BMAL1: variants seen among roughly 807,000 people sequenced by gnomAD.
The protein encoded by BMAL1 is basic helix-loop-helix ARNT like 1.
At chr11:13,348,295 T>C in the BMAL1 span, among the ~76,000 whole-genome samples, 194 of 152,228 alleles carry the variant, frequency 1.3e-3, 1 homozygote, top group Non-Finnish European at 2.5e-4. Context: ...ATGGGAGGGT[T>C]GGGCTGAAGA....
the BMAL1 span, among the ~76,000 whole-genome samples, chr11:13,329,046 TG>T: frequency 6.6e-6 from 1 of 152,220 alleles, no homozygotes; most frequent in African/African-American, 2.4e-5. Context: ...AGCTGGTCAC[TG>T]TTCTAGTTGA....
At chr11:13,335,997 AAG>A in the BMAL1 span, among the ~76,000 whole-genome samples, 2 of 151,796 alleles carry the variant, frequency 1.3e-5, no homozygotes, top group Non-Finnish European at 2.9e-5. Flanking sequence ...ATGAAAGAGC[AAG>A]AGAGAGAGAG....
chr11:13,315,629 C>T, the BMAL1 span, among the ~76,000 whole-genome samples: 7 of 152,322 alleles, frequency 4.6e-5, no homozygotes, highest in Admixed American at 4.6e-4. Context: ...GTTCCCTCTG[C>T]TCCAAGTCCT....
the BMAL1 span, chr11:13,365,282 A>AACACACACACACAC: frequency 7.7e-4 from 141 of 182,822 alleles, 1 homozygote; most frequent in Admixed American, 1.4e-3. Flanking sequence ...GATATGCAGA[A>AACACACACACACAC]ACACACACAC....
chr11:13,382,693 T>C, the BMAL1 span, among the ~76,000 whole-genome samples: 1 of 152,242 alleles, frequency 6.6e-6, no homozygotes, highest in Non-Finnish European at 1.5e-5. Context: ...ATTCTACTTC[T>C]TGGTTTTGAA....
chr11:13,296,953 TG>T, the BMAL1 span, among the ~76,000 whole-genome samples: 1 of 152,180 alleles, frequency 6.6e-6, no homozygotes, highest in African/African-American at 2.4e-5. Context: ...CAGGAGTTCT[TG>T]GTACCTGGGT....
chr11:13,352,619 C>A, the BMAL1 span, among the ~76,000 whole-genome samples: 1 of 152,204 alleles, frequency 6.6e-6, no homozygotes, highest in Non-Finnish European at 1.5e-5. Flanking sequence ...ACCTGTCAGT[C>A]CCACCTTTAG....
chr11:13,356,686 C>G, the BMAL1 span: 7 of 1,602,964 alleles, frequency 4.4e-6, no homozygotes, highest in African/African-American at 1.3e-5. Context: ...TGATAAGAAG[C>G]TCTTCTGTAT....
the BMAL1 span, chr11:13,374,224 T>G: frequency 6.2e-7 from 1 of 1,601,850 alleles, no homozygotes; most frequent in Admixed American, 1.7e-5. Context: ...GTATGAAAGA[T>G]CTTAAGTTGA....
the BMAL1 span, among the ~76,000 whole-genome samples, chr11:13,294,333 T>A: frequency 6.6e-6 from 1 of 152,204 alleles, no homozygotes; most frequent in Admixed American, 6.5e-5. Flanking sequence ...GAAATATCAA[T>A]AGTGGTTCTC....
the BMAL1 span, chr11:13,372,220 C>T: frequency 6.2e-7 from 1 of 1,614,118 alleles, no homozygotes; most frequent in Non-Finnish European, 8.5e-7. Context: ...AGCTGGCCAC[C>T]CACAAAGATG....
chr11:13,381,225 C>A, the BMAL1 span: 4 of 1,614,150 alleles, frequency 2.5e-6, no homozygotes, highest in East Asian at 2.2e-5. Flanking sequence ...TACGCCTCCC[C>A]CTGATGCCTC....
chr11:13,351,425 TTGTA>T, the BMAL1 span, among the ~76,000 whole-genome samples: 7 of 152,190 alleles, frequency 4.6e-5, no homozygotes, highest in African/African-American at 1.7e-4. Flanking sequence ...AACATCTCTC[TTGTA>T]TATTCAAGTG....
At chr11:13,355,483 G>A in the BMAL1 span, among the ~76,000 whole-genome samples, 1 of 152,150 alleles carries the variant, frequency 6.6e-6, no homozygotes, top group Non-Finnish European at 1.5e-5. Context: ...TCTGTCATCT[G>A]GACCTGTGGG....
At chr11:13,283,166 G>A in the BMAL1 span, among the ~76,000 whole-genome samples, 1 of 152,190 alleles carries the variant, frequency 6.6e-6, no homozygotes, top group Non-Finnish European at 1.5e-5. Flanking sequence ...TATCTAGCCT[G>A]GTTAAAGAAG....
the BMAL1 span, among the ~76,000 whole-genome samples, chr11:13,327,234 G>GA: frequency 0.07 from 7,301 of 104,990 alleles, 577 homozygotes; most frequent in African/African-American, 0.2. Context: ...TCTCTTTTAT[G>GA]AAAAAAAAAA....
At chr11:13,377,047 T>C in the BMAL1 span, among the ~76,000 whole-genome samples, 1 of 152,180 alleles carries the variant, frequency 6.6e-6, no homozygotes, top group Non-Finnish European at 1.5e-5. Flanking sequence ...AAGTGCTCTT[T>C]CGTGACTGTC....
At chr11:13,376,802 T>C in the BMAL1 span, 1 of 1,371,352 alleles carries the variant, frequency 7.3e-7, no homozygotes, top group Non-Finnish European at 1.0e-6. Context: ...TCCCCTAAAG[T>C]ATTCAGGGTC....
the BMAL1 span, chr11:13,354,314 A>G: frequency 1.2e-6 from 2 of 1,604,868 alleles, no homozygotes; most frequent in African/African-American, 1.3e-5. Context: ...ATCCAATGGC[A>G]GACCAGAGAA....
Sources: gnomAD v4.1 joint callset for allele counts (sites outside exome capture counted in the v4.1 genomes callset) on GRCh38, gnomAD v4.1.1 for gene constraint, MANE v1.5 for transcripts, NCBI Gene and HGNC (gene_info 2026-07-23, HGNC 2026-07-21) for gene names.